Variants in DENND4C observed in about 807,000 individuals in gnomAD.
The protein encoded by DENND4C is DENN domain containing 4C, also known as DENN domain-containing protein 4C.
DENND4C carries 108 observed loss-of-function variants against 203.0 expected under a neutral mutation model. That is an observed-to-expected ratio of 0.53 (90% CI 0.46 to 0.62). The LOEUF is 0.62. DENND4C is among the 20% of genes least tolerant of loss of function. The pLI is 0.00. For synonymous variants in DENND4C, 871 were observed against 792.4 expected (o/e 1.10, Z -1.67); for missense variants, 2,481 against 2,301.2 (o/e 1.08, Z -1.60).
chr9:19,350,928 CTTT>C, intron 24 of DENND4C, 49 bp downstream of exon 24: 6 of 1,236,102 alleles, frequency 4.9e-6, no homozygotes, highest in Non-Finnish European at 5.5e-6. Context: ...ATAGTTTTTG[CTTT>C]TTTTTTTTAA....
chr9:19,267,970 T>C (rs1030418324), intron 1 of DENND4C, among the ~76,000 whole-genome samples: 2 of 152,118 alleles, frequency 1.3e-5, no homozygotes, highest in African/African-American at 2.4e-5. Flanking sequence ...TACTACCATT[T>C]TGTTATTTGT....
intron 22 of DENND4C, among the ~76,000 whole-genome samples, chr9:19,344,694 G>C (rs926034758): frequency 1.3e-5 from 2 of 152,096 alleles, no homozygotes; most frequent in Non-Finnish European, 2.9e-5. Context: ...GCGGAGACAG[G>C]GTTTCTCCAT....
intron 13 of DENND4C, among the ~76,000 whole-genome samples, chr9:19,325,322 G>A (rs1386465938): frequency 1.3e-5 from 2 of 151,896 alleles, no homozygotes; most frequent in East Asian, 3.9e-4. Flanking sequence ...ATTGATTCTT[G>A]ACTTAGTTAT....
chr9:19,246,714 G>C (rs1255445591), intron 1 of DENND4C, among the ~76,000 whole-genome samples: 1 of 151,264 alleles, frequency 6.6e-6, no homozygotes, highest in Non-Finnish European at 1.5e-5. Context: ...GGTTATCTTC[G>C]ATATTTTTGT....
chr9:19,267,721 T>G lies in DENND4C; in HGVS notation c.-17-8437T>G, dbSNP rs577399996. ...CTGGCCAATTTTTCTTTATTTTTTA[T>G]GGAGACAGGGTCTCACCATCTTGCC... On this transcript the variant is annotated intron_variant, in intron 1 of 32. Transcript: ENST00000434457. Among the ~76,000 whole-genome samples the G allele has an allele frequency of 1.9e-3, 284 of 152,058 alleles. 1 individual carries two copies. The highest frequency in any genetic ancestry group is 6.4e-3 in the African/African-American group (266 of 41,484).
intron 1 of DENND4C, among the ~76,000 whole-genome samples, chr9:19,239,734 C>T (rs781417428): frequency 1.3e-5 from 2 of 152,202 alleles, no homozygotes; most frequent in Non-Finnish European, 2.9e-5. Flanking sequence ...TGTACGCCTG[C>T]CTTGGCCTCC....
At chr9:19,336,964 A>G in intron 20 of DENND4C, 132 bp downstream of exon 20, 2 of 866,668 alleles carry the variant, frequency 2.3e-6, no homozygotes, top group South Asian at 3.8e-5. Context: ...TACAAGAGAA[A>G]CAATACGAGT....
At chr9:19,360,561 T>TACG in intron 29 of DENND4C, 72 bp downstream of exon 29, 1 of 1,568,824 alleles carries the variant, frequency 6.4e-7, no homozygotes, top group Non-Finnish European at 8.7e-7. Context: ...CCTGAAAGTA[T>TACG]ACAACAGTAG....
chr9:19,311,420 C>T (rs1393244336), intron 10 of DENND4C, among the ~76,000 whole-genome samples: 1 of 152,220 alleles, frequency 6.6e-6, no homozygotes, highest in African/African-American at 2.4e-5. Flanking sequence ...GCCACTGCGC[C>T]TGGCCCCCAC....
At chr9:19,316,243 G>A (rs898349088) in intron 10 of DENND4C, among the ~76,000 whole-genome samples, 174 bp from the exon 11 acceptor site, 17 of 152,178 alleles carry the variant, frequency 1.1e-4, no homozygotes, top group African/African-American at 1.7e-4. Context: ...GACAGAGGTC[G>A]ATTGAATGAA....
At chr9:19,257,306 A>T (rs1333175138) in intron 1 of DENND4C, among the ~76,000 whole-genome samples, 1 of 151,352 alleles carries the variant, frequency 6.6e-6, no homozygotes, top group Non-Finnish European at 1.5e-5. Context: ...CAGTGATCCA[A>T]GATCACATCA....
At chr9:19,268,214 C>T (rs1384924720) in intron 1 of DENND4C, among the ~76,000 whole-genome samples, 1 of 152,006 alleles carries the variant, frequency 6.6e-6, no homozygotes, top group Non-Finnish European at 1.5e-5. Context: ...ATCCCTGCAC[C>T]TCAGCCTCCT....
rs192565359 is a variant in DENND4C, at chr9:19,334,684, C to T, written c.2461-293C>T. 2.5e-3 allele frequency among the ~76,000 whole-genome samples: 378 copies of T among 151,958 alleles called. 1 individual carries two copies. The highest frequency in any genetic ancestry group is 3.0e-3 in the Non-Finnish European group (202 of 67,948). ...GGGATTACAGGTATGCACCACCATGCCCATCTAATTTTTGTACTGTTAGTA... is the reference window on the plus strand; with the variant it reads ...GGGATTACAGGTATGCACCACCATGTCCATCTAATTTTTGTACTGTTAGTA... On this transcript the variant is annotated intron_variant, in intron 17 of 32. Coordinates refer to ENST00000434457, the MANE Select transcript of DENND4C (RefSeq NM_001330640.2).
intron 12 of DENND4C, among the ~76,000 whole-genome samples, chr9:19,320,106 TAAA>T (rs931023156): frequency 7.6e-4 from 116 of 152,114 alleles, no homozygotes; most frequent in African/African-American, 2.7e-3. Context: ...GTAGCCACAA[TAAA>T]AAAGTAAAAA....
chr9:19,301,862 A>C (rs964767281), intron 9 of DENND4C, among the ~76,000 whole-genome samples: 1 of 152,112 alleles, frequency 6.6e-6, no homozygotes, highest in Non-Finnish European at 1.5e-5. Context: ...GCCTAAACCC[A>C]GGAGGTGAAG....
In DENND4C at chr9:19,357,169, A is replaced by G. The variant is rs2132158555; in HGVS notation, c.4964+15A>G. 6.2e-7 allele frequency: 1 copy of G among 1,613,410 alleles called. No homozygotes were observed. Among genetic ancestry groups the G allele is most frequent in the Non-Finnish European group, 8.5e-7 (1 of 1,179,448 alleles). ...GTTGAACCAAGGTATCAAAGGGTAC[A>G]GAGACCTCTTTATGTAGTAATAAAT... is the stretch of plus-strand genomic sequence containing the variant. On this transcript the variant is annotated intron_variant, in intron 27 of 32. Coordinates refer to ENST00000434457, the MANE Select transcript of DENND4C (RefSeq NM_001330640.2).
At chr9:19,293,082 A>G (rs1411733487) in intron 5 of DENND4C, among the ~76,000 whole-genome samples, 3 of 152,212 alleles carry the variant, frequency 2.0e-5, no homozygotes, top group Non-Finnish European at 4.4e-5. Flanking sequence ...GCCCACTACT[A>G]ACTTGTTAGC....
intron 1 of DENND4C, among the ~76,000 whole-genome samples, chr9:19,234,910 A>C (rs1329731): frequency 2.0e-5 from 3 of 150,888 alleles, no homozygotes; most frequent in Admixed American, 1.3e-4. Flanking sequence ...CCATGGGTCT[A>C]TGCCAAATTA....
intron 30 of DENND4C, among the ~76,000 whole-genome samples, chr9:19,362,811 A>G (rs1274286422): frequency 6.6e-6 from 1 of 152,224 alleles, no homozygotes; most frequent in Non-Finnish European, 1.5e-5. Flanking sequence ...TTTAGAGTAT[A>G]TTTTTACAAG....
Sources: allele counts gnomAD v4.1 joint callset (sites outside exome capture counted in the v4.1 genomes callset), GRCh38; gene constraint gnomAD v4.1.1; transcripts MANE v1.5; gene names NCBI Gene and HGNC (gene_info 2026-07-23, HGNC 2026-07-21).